Variants in NEBL observed in about 807,000 individuals in gnomAD.
NEBL encodes nebulette, also known as LIM and SH3 protein 2.
Under a neutral mutation model 140.2 loss-of-function variants are expected in NEBL, and 122 were observed. The observed-to-expected ratio is 0.87, with a 90% CI of 0.75 to 1.01. NEBL has a LOEUF of 1.01. Among genes scored for constraint, NEBL ranks in the 50% least tolerant of loss-of-function variants. The pLI is 0.00. For synonymous variants in NEBL, 436 were observed against 398.9 expected, an observed-to-expected ratio of 1.09 and a Z score of -1.11; for missense variants, 1,365 against 1,231.3, an observed-to-expected ratio of 1.11 and a Z score of -1.62.
In NEBL at chr10:20,974,639, T is replaced by G. The variant is rs189666308; in HGVS notation, c.250-12860A>C. Among the ~76,000 whole-genome samples, 36 of 152,344 alleles carry G rather than the reference T, an allele frequency of 2.4e-4. No homozygotes were observed. The East Asian group carries it at 6.4e-3, about 27-fold the overall frequency. On this transcript the variant is annotated intron_variant, in intron 3 of 6. Coordinates refer to the NEBL transcript ENST00000417816. Reference sequence around the variant, plus strand: ...ACAAGATCTGAAATAATTTTTAAATTGTTCTTACATGTTACATACATTAGC... The same window carrying G: ...ACAAGATCTGAAATAATTTTTAAATGGTTCTTACATGTTACATACATTAGC...
intron 4 of NEBL, among the ~76,000 whole-genome samples, chr10:20,941,495 G>C (rs1019217211): frequency 1.4e-4 from 22 of 152,028 alleles, no homozygotes; most frequent in Non-Finnish European, 2.1e-4. Context: ...TGGGCAAAAA[G>C]TGGAAGCATT....
In NEBL at chr10:21,280,018, G is replaced by A. The variant is rs12262659; in HGVS notation, n.182+12812C>T. Among the ~76,000 whole-genome samples, 1,357 of 151,884 alleles carry A rather than the reference G, an allele frequency of 8.9e-3. 8 individuals are homozygous for A. Among genetic ancestry groups the A allele is most frequent in the Middle Eastern group, 0.034 (10 of 290 alleles). The stretch of plus-strand genomic sequence containing the variant: ...GCCCAAACTCTAAAGCTTCTCTGCC[G>A]CTTAAGAGAAGCCAAAAAGTCCCCT... On this transcript the variant is annotated intron_variant and non_coding_transcript_variant, in intron 1 of 8. Coordinates refer to the NEBL transcript ENST00000675702.
upstream of NEBL, among the ~76,000 whole-genome samples, chr10:21,177,663 G>C (rs1841324925): frequency 6.6e-6 from 1 of 151,850 alleles, no homozygotes; most frequent in Non-Finnish European, 1.5e-5. Context: ...CCGAGTAGCT[G>C]GGACTACAGG....
chr10:21,039,060 G>GGT (rs1834137572), intron 2 of NEBL, among the ~76,000 whole-genome samples: 1 of 99,406 alleles, frequency 1.0e-5, no homozygotes, highest in African/African-American at 4.1e-5. Context: ...TGATGGGGCT[G>GGT]TTTTTTTTTT....
chr10:20,813,893 C>A (rs766611020), intron 23 of NEBL, 46 bp downstream of exon 23: 1 of 1,212,642 alleles, frequency 8.2e-7, no homozygotes, highest in East Asian at 2.3e-5. Context: ...GCACTGGATC[C>A]GCCCATTCCT....
intron 26 of NEBL, among the ~76,000 whole-genome samples, chr10:20,807,307 C>T (rs376137479): frequency 5.4e-4 from 83 of 152,322 alleles, no homozygotes; most frequent in African/African-American, 2.0e-3. Flanking sequence ...GCCTGGGCAA[C>T]AGAGCAAGAC....
intron 2 of NEBL, among the ~76,000 whole-genome samples, chr10:21,064,725 G>T (rs1028801270): frequency 1.3e-5 from 2 of 152,140 alleles, no homozygotes; most frequent in Non-Finnish European, 2.9e-5. Context: ...AACTGTAGAT[G>T]TCCATAATTA....
intron 2 of NEBL, among the ~76,000 whole-genome samples, chr10:21,021,626 C>G (rs1436168466): frequency 6.6e-6 from 1 of 152,188 alleles, no homozygotes; most frequent in Non-Finnish European, 1.5e-5. Flanking sequence ...TTAGATGTCA[C>G]TTTCTCCAGG....
intron 3 of NEBL, among the ~76,000 whole-genome samples, chr10:21,187,817 C>A (rs551877692): frequency 6.6e-6 from 1 of 152,104 alleles, no homozygotes; most frequent in Non-Finnish European, 1.5e-5. Context: ...CCTGGCCACA[C>A]CTTGTTAAGA....
chr10:20,919,431 G>A (rs532426363), intron 4 of NEBL, among the ~76,000 whole-genome samples: 1 of 152,152 alleles, frequency 6.6e-6, no homozygotes, highest in African/African-American at 2.4e-5. Flanking sequence ...ATAATCATGG[G>A]AATCATGTCA....
chr10:20,944,409 A>C lies in NEBL; in HGVS notation c.357+17263T>G, dbSNP rs184806210. 1.5e-3 allele frequency among the ~76,000 whole-genome samples: 227 copies of C among 152,194 alleles called. 1 individual carries two copies. The highest frequency in any genetic ancestry group is 5.4e-3 in the African/African-American group (223 of 41,538). On this transcript the variant is annotated intron_variant, in intron 4 of 6. Coordinates refer to the NEBL transcript ENST00000417816. ...GACCAAGACCCTGTCTCATAATAAA[A>C]TAAAATAAATTATATAAATAAATAA...
At chr10:21,151,376 G>T (rs764106210) in intron 2 of NEBL, among the ~76,000 whole-genome samples, 9 of 152,064 alleles carry the variant, frequency 5.9e-5, no homozygotes, top group Non-Finnish European at 1.0e-4. Context: ...TCATTTTAAT[G>T]ACAAAATGCA....
intron 2 of NEBL, among the ~76,000 whole-genome samples, chr10:21,097,204 G>A (rs535940125): frequency 6.8e-5 from 8 of 118,082 alleles, no homozygotes; most frequent in African/African-American, 2.1e-4. Context: ...TGTAATCCCA[G>A]CACTTTGGGA....
chr10:21,074,615 C>G (rs948481796), intron 2 of NEBL, among the ~76,000 whole-genome samples: 3 of 151,294 alleles, frequency 2.0e-5, no homozygotes, highest in African/African-American at 7.3e-5. Flanking sequence ...GTAGCTGGGA[C>G]TGCAGGTGCA....
chr10:21,123,797 T>C (rs1267482663), intron 2 of NEBL, among the ~76,000 whole-genome samples: 1 of 150,628 alleles, frequency 6.6e-6, no homozygotes, highest in Non-Finnish European at 1.5e-5. Flanking sequence ...ATATATTATA[T>C]AAATATACAT....
At chr10:20,914,030 C>T (rs930669157) in intron 4 of NEBL, among the ~76,000 whole-genome samples, 3 of 152,200 alleles carry the variant, frequency 2.0e-5, no homozygotes, top group Admixed American at 6.5e-5. Flanking sequence ...CACTCAGGTT[C>T]AACCTCCTCT....
chr10:20,804,984 T>C (rs1435357786), intron 26 of NEBL, among the ~76,000 whole-genome samples: 1 of 152,128 alleles, frequency 6.6e-6, no homozygotes, highest in Non-Finnish European at 1.5e-5. Context: ...CAACTATCAT[T>C]GTCCAAATGA....
intron 2 of NEBL, among the ~76,000 whole-genome samples, chr10:21,147,065 A>G (rs971245201): frequency 2.0e-5 from 3 of 152,170 alleles, no homozygotes; most frequent in African/African-American, 7.2e-5. Context: ...AGCAAAAACC[A>G]AGGAAAGCTT....
chr10:20,796,367 G>GAAAAAAAAAAAAA (rs57844177), intron 26 of NEBL, among the ~76,000 whole-genome samples: 4 of 51,494 alleles, frequency 7.8e-5, no homozygotes, highest in East Asian at 6.4e-4. Context: ...TCTAAAACAA[G>GAAAAAAAAAAAAA]AAAAAAAAAA....
Sources: allele counts gnomAD v4.1 joint callset (sites outside exome capture counted in the v4.1 genomes callset), GRCh38; gene constraint gnomAD v4.1.1; transcripts MANE v1.5; gene names NCBI Gene and HGNC (gene_info 2026-07-23, HGNC 2026-07-21).